The following GLIPR1L1 variants were observed in gnomAD, a reference collection of about 807,000 sequenced individuals.
GLIPR1L1 encodes the protein GLIPR1 like 1.
A neutral mutation model predicts 29.9 loss-of-function variants in GLIPR1L1; 26 were observed. The ratio of observed to expected loss-of-function variants is 0.87; its 90% confidence interval spans 0.64 to 1.21. GLIPR1L1 has a LOEUF of 1.21. Among genes scored for constraint, GLIPR1L1 ranks in the 50% most tolerant of loss-of-function variants. GLIPR1L1 has a pLI of 0.00. For synonymous variants in GLIPR1L1, 77 were observed against 97.5 expected, an observed-to-expected ratio of 0.79 and a Z score of 1.24; for missense variants, 305 against 290.3, an observed-to-expected ratio of 1.05 and a Z score of -0.37.
chr12:75,352,152 T>C (rs1445496965), intron 3 of GLIPR1L1, among the ~76,000 whole-genome samples: 1 of 152,196 alleles, frequency 6.6e-6, no homozygotes, highest in African/African-American at 2.4e-5. Flanking sequence ...AATTCACATA[T>C]AACTATACTA....
intron 3 of GLIPR1L1, among the ~76,000 whole-genome samples, chr12:75,361,469 C>T (rs1217961212): frequency 6.6e-6 from 1 of 152,184 alleles, no homozygotes; most frequent in African/African-American, 2.4e-5. Context: ...CATCTGGCTG[C>T]CTCCTGCCAC....
intron 4 of GLIPR1L1, among the ~76,000 whole-genome samples, chr12:75,367,612 G>C (rs886294482): frequency 1.3e-5 from 2 of 151,802 alleles, no homozygotes. Flanking sequence ...TTTGATAATT[G>C]ATTTTATTGC....
At chr12:75,367,092 T>C (rs916979322) in intron 4 of GLIPR1L1, 2 of 694,330 alleles carry the variant, frequency 2.9e-6, no homozygotes, top group Non-Finnish European at 2.6e-6. Flanking sequence ...TGAGATTAAT[T>C]TGGGGAGAAA....
intron 3 of GLIPR1L1, among the ~76,000 whole-genome samples, chr12:75,350,970 T>C (rs2042771452): frequency 6.6e-6 from 1 of 152,192 alleles, no homozygotes; most frequent in South Asian, 2.1e-4. Flanking sequence ...ACAGGAGCTG[T>C]TAACCAGAAT....
At chr12:75,344,444 C>T (rs2042317241) in intron 2 of GLIPR1L1, among the ~76,000 whole-genome samples, 1 of 152,002 alleles carries the variant, frequency 6.6e-6, no homozygotes, top group Non-Finnish European at 1.5e-5. Context: ...CAATCTTGCA[C>T]CTTAAAGTTT....
rs145193423 is a variant in GLIPR1L1 at position 75,336,133 on chromosome 12, A to G, written c.174+1231A>G. Among the ~76,000 whole-genome samples the G allele has an allele frequency of 6.7e-3, 1,024 of 152,114 alleles. 8 individuals carry two copies. Among genetic ancestry groups the G allele is most frequent in the African/African-American group, 0.023 (938 of 41,586 alleles). On this transcript the variant is annotated intron_variant, in intron 1 of 5. Coordinates refer to ENST00000378695, the MANE Select transcript of GLIPR1L1 (RefSeq NM_001304964.2). The stretch of plus-strand genomic sequence containing the variant: ...AAAGTTCCTTATATTGTTAAGAATC[A>G]CAATAATATTTCTGGATGGACCGTG...
intron 2 of GLIPR1L1, 149 bp downstream of exon 2, chr12:75,344,087 T>C (rs538557779): frequency 3.4e-6 from 2 of 584,468 alleles, no homozygotes; most frequent in Admixed American, 7.2e-5. Context: ...TTAATAATAA[T>C]ATACCAAAGT....
chr12:75,369,252 C>T (rs894839679), intron 4 of GLIPR1L1, among the ~76,000 whole-genome samples: 3 of 151,870 alleles, frequency 2.0e-5, no homozygotes, highest in African/African-American at 7.2e-5. Flanking sequence ...AATTTTCTAT[C>T]ATTTAACCCA....
chr12:75,357,477 G>T (rs2043226929), intron 3 of GLIPR1L1, among the ~76,000 whole-genome samples: 1 of 151,868 alleles, frequency 6.6e-6, no homozygotes, highest in Admixed American at 6.6e-5. Context: ...AAATAAGTAG[G>T]GATATAGAGT....
intron 1 of GLIPR1L1, among the ~76,000 whole-genome samples, chr12:75,340,221 G>A (rs766426122): frequency 6.0e-5 from 9 of 151,074 alleles, no homozygotes; most frequent in African/African-American, 1.5e-4. Context: ...CATTTAGACC[G>A]TTTCCATATT....
At position 75,363,174 on chromosome 12, in the gene GLIPR1L1, T is replaced by C. The variant is rs775488246; in HGVS notation, c.594T>C (p.Cys198=). The part of the protein sequence containing the change: ...SCSLCSKEEK[C]VKNLCRTPQL... ...CTCTCTGCTCAAAAGAAGAGAAATG[T>C]GTAAAGAACCTCTGCAGTAAGCAAA... Residue 198 remains cysteine, a synonymous_variant, in exon 4 of 6, where the codon TGT becomes TGC. Transcript: ENST00000378695. 2.7e-5 allele frequency: 41 copies of C among 1,532,742 alleles called. No individual in the cohort carries two copies. The South Asian group carries it at 5.1e-4, about 19-fold the overall frequency. The allele number at this position is 1,532,742 out of a possible 1,614,324, so 94.9% of individuals were successfully genotyped here.
At chr12:75,367,448 G>A (rs987653875) in intron 4 of GLIPR1L1, among the ~76,000 whole-genome samples, 11 of 151,674 alleles carry the variant, frequency 7.3e-5, no homozygotes, top group African/African-American at 2.2e-4. Flanking sequence ...ATTGAAATAC[G>A]AATACACACA....
intron 1 of GLIPR1L1, among the ~76,000 whole-genome samples, chr12:75,340,407 A>G (rs2139298855): frequency 6.6e-6 from 1 of 151,906 alleles, no homozygotes; most frequent in South Asian, 2.1e-4. Context: ...TAAGAAAAGA[A>G]AAAACTTTGA....
At position 75,351,680 on chromosome 12, in the gene GLIPR1L1, GGGATT is replaced by G. The variant is rs2042825502; in HGVS notation, c.521+3959_521+3963del. On this transcript the variant is annotated intron_variant, in intron 3 of 5. Transcript: ENST00000378695. ...TCCTGCCTCAGCCTCCTGAGTAGCT[GGGATT>G]AGAGGCGCTCCCCACCACACCCAGC... 1.3e-5 allele frequency among the ~76,000 whole-genome samples: 2 copies of G among 151,878 alleles called. 1 individual carries two copies. Among genetic ancestry groups the G allele is most frequent in the Non-Finnish European group, 2.9e-5 (2 of 67,996 alleles).
chr12:75,354,173 G>A (rs578039760), intron 3 of GLIPR1L1, among the ~76,000 whole-genome samples: 1 of 144,362 alleles, frequency 6.9e-6, no homozygotes, highest in African/African-American at 2.6e-5. Flanking sequence ...AAAAGGGGGG[G>A]GGGTATTCAA....
chr12:75,358,163 AAAT>A (rs1490494756), intron 3 of GLIPR1L1, among the ~76,000 whole-genome samples: 1 of 151,816 alleles, frequency 6.6e-6, no homozygotes, highest in Non-Finnish European at 1.5e-5. Context: ...CAGATTTTAC[AAAT>A]ATTAAAAGTA....
At chr12:75,351,682 G>C (rs1175168861) in intron 3 of GLIPR1L1, among the ~76,000 whole-genome samples, 2 of 151,988 alleles carry the variant, frequency 1.3e-5, no homozygotes, top group African/African-American at 4.8e-5. Context: ...GAGTAGCTGG[G>C]ATTAGAGGCG....
At position 75,343,887 on chromosome 12, in the gene GLIPR1L1, T is replaced by G; in HGVS notation, c.369T>G (p.Phe123Leu). The stretch of plus-strand genomic sequence containing the variant: ...CGGCTTGGTATAATGAAACCCAATT[T>G]TATGATTTTGATAGTCTATCATGCT... ...AITAWYNETQ[F>L]YDFDSLSCSR... The change falls in exon 2 of 6, where the codon TTT (phenylalanine) becomes TTG (leucine). Residue 123 changes from phenylalanine to leucine, a missense_variant. Phe to Leu is a conservative substitution (Grantham distance 22, BLOSUM62 0). Transcript: ENST00000378695. The G allele has an allele frequency of 1.2e-6, 2 of 1,612,274 alleles. No homozygotes were observed. The highest frequency in any genetic ancestry group is 2.2e-5 in the South Asian group (2 of 91,040).
intron 3 of GLIPR1L1, among the ~76,000 whole-genome samples, chr12:75,352,042 C>G (rs537945582): frequency 8.5e-5 from 13 of 152,260 alleles, no homozygotes; most frequent in Non-Finnish European, 1.9e-4. Flanking sequence ...TTACCAGTCA[C>G]TACAAAAAAC....
Sources: allele counts gnomAD v4.1 joint callset (sites outside exome capture counted in the v4.1 genomes callset), GRCh38; gene constraint gnomAD v4.1.1; transcripts MANE v1.5; gene names NCBI Gene and HGNC (gene_info 2026-07-23, HGNC 2026-07-21).